SMYD3: variants seen among roughly 807,000 people sequenced by gnomAD.
SMYD3 encodes SET and MYND domain containing 3, also known as histone-lysine N-methyltransferase SMYD3.
A neutral mutation model predicts 57.7 loss-of-function variants in SMYD3; 36 were observed. The ratio of observed to expected loss-of-function variants is 0.62; its 90% CI spans 0.48 to 0.82. The LOEUF is 0.82. Among genes scored for constraint, SMYD3 ranks in the 40% least tolerant of loss-of-function variants. The probability of loss-of-function intolerance (pLI) is 0.00; values close to 1 mark genes in which losing one functional copy is unlikely to be tolerated. For synonymous variants in SMYD3, 211 were observed against 195.0 expected (o/e 1.08, Z -0.68); for missense variants, 515 against 538.8 (o/e 0.96, Z 0.44).
chr1:245,949,011 T>C (rs558735830), intron 5 of SMYD3, among the ~76,000 whole-genome samples: 12 of 152,268 alleles, frequency 7.9e-5, no homozygotes, highest in African/African-American at 1.9e-4. Context: ...TACCAGCACA[T>C]CTAGCATCCA....
intron 5 of SMYD3, among the ~76,000 whole-genome samples, chr1:246,317,970 T>C (rs2065191941): frequency 6.6e-6 from 1 of 152,250 alleles, no homozygotes; most frequent in Admixed American, 6.5e-5. Flanking sequence ...CTTAGTATAA[T>C]GGCAGTCTCT....
chr1:245,813,903 T>C (rs5023052), intron 10 of SMYD3, among the ~76,000 whole-genome samples: 18,668 of 145,956 alleles, frequency 0.13, 1,479 homozygotes, highest in East Asian at 0.26. Flanking sequence ...TATATATATA[T>C]ACAGATGAAT....
intron 1 of SMYD3, among the ~76,000 whole-genome samples, chr1:246,379,268 C>G (rs1006918012): frequency 6.8e-6 from 1 of 146,052 alleles, no homozygotes; most frequent in South Asian, 2.2e-4. Context: ...AAGAATAAAA[C>G]TTTTAAAAAC....
chr1:246,473,729 C>T (rs1230737646), intron 1 of SMYD3, among the ~76,000 whole-genome samples: 1 of 152,156 alleles, frequency 6.6e-6, no homozygotes, highest in Non-Finnish European at 1.5e-5. Flanking sequence ...ACACATATGC[C>T]TCAATCCCTT....
At chr1:245,879,853 C>T (rs891669062) in intron 8 of SMYD3, among the ~76,000 whole-genome samples, 1 of 152,246 alleles carries the variant, frequency 6.6e-6, no homozygotes, top group African/African-American at 2.4e-5. Context: ...CAATGTCTAT[C>T]TTTGACCAAT....
intron 5 of SMYD3, among the ~76,000 whole-genome samples, chr1:246,077,438 T>C (rs778770740): frequency 3.9e-5 from 6 of 152,130 alleles, no homozygotes; most frequent in Non-Finnish European, 7.4e-5. Context: ...ATTATGCTAT[T>C]GTTCTGTCTA....
intron 5 of SMYD3, among the ~76,000 whole-genome samples, chr1:246,039,385 T>C (rs894975354): frequency 6.6e-6 from 1 of 152,200 alleles, no homozygotes; most frequent in African/African-American, 2.4e-5. Flanking sequence ...CACTTCACTA[T>C]ACTGTCTACA....
chr1:245,999,829 C>T (rs57065506), intron 5 of SMYD3, among the ~76,000 whole-genome samples: 4 of 152,172 alleles, frequency 2.6e-5, no homozygotes, highest in Middle Eastern at 3.4e-3. Context: ...AGAAAGAGCA[C>T]GGAACTCGAG....
At chr1:246,082,098 T>C (rs1158760221) in intron 5 of SMYD3, among the ~76,000 whole-genome samples, 4 of 152,168 alleles carry the variant, frequency 2.6e-5, no homozygotes, top group African/African-American at 7.2e-5. Flanking sequence ...AAGCTAACCA[T>C]GGGAGACAGG....
At chr1:246,263,221 C>T (rs567133406) in intron 5 of SMYD3, among the ~76,000 whole-genome samples, 1 of 152,198 alleles carries the variant, frequency 6.6e-6, no homozygotes, top group African/African-American at 2.4e-5. Context: ...TACTAGCTAC[C>T]TTATTTTGAG....
intron 2 of SMYD3, among the ~76,000 whole-genome samples, chr1:246,337,243 C>T (rs1437436942): frequency 6.6e-6 from 1 of 152,172 alleles, no homozygotes; most frequent in African/African-American, 2.4e-5. Context: ...GTTGACCCTA[C>T]TTAGAGATTC....
intron 5 of SMYD3, among the ~76,000 whole-genome samples, chr1:245,998,846 G>C (rs959486258): frequency 2.6e-5 from 4 of 152,098 alleles, no homozygotes; most frequent in African/African-American, 9.7e-5. Flanking sequence ...ATAATGCTAC[G>C]GCACAGACAA....
intron 5 of SMYD3, among the ~76,000 whole-genome samples, chr1:246,285,781 T>A (rs547868538): frequency 6.6e-6 from 1 of 151,686 alleles, no homozygotes; most frequent in African/African-American, 2.4e-5. Flanking sequence ...TACAAGAAAC[T>A]CAAACAAATT....
intron 1 of SMYD3, among the ~76,000 whole-genome samples, chr1:246,428,753 A>AC (rs2067255514): frequency 6.6e-6 from 1 of 152,110 alleles, no homozygotes; most frequent in Non-Finnish European, 1.5e-5. Context: ...CGCAATCTAG[A>AC]CCACAGCCCA....
In SMYD3 at chr1:246,355,093, T is replaced by C; in HGVS notation, c.166A>G (p.Lys56Glu). Reference sequence around the variant, plus strand: ...TGAGAGCATCGCATCAGCTTTTCCTTCCTGTGGGGAAAAAAATTAATTCTG... The same window carrying C: ...TGAGAGCATCGCATCAGCTTTTCCTCCCTGTGGGGAAAAAAATTAATTCTG... ...GVVCDRCLLGKEKLMRCSQCR... is the reference protein window; with the variant it reads ...GVVCDRCLLGEEKLMRCSQCR... The change falls in exon 2 of 12, where the codon AAG becomes GAG. Residue 56 changes from lysine (K) to glutamate (E), a missense_variant and splice_region_variant. Lys to Glu is a moderately conservative substitution (Grantham distance 56). Transcript: ENST00000490107. The surrounding 1 kb of genome is among the most constrained non-coding windows in gnomAD (Gnocchi z 5.0). 3.7e-6 allele frequency: 6 copies of C among 1,614,040 alleles called. No homozygotes were observed. Among genetic ancestry groups the C allele is most frequent in the Non-Finnish European group, 5.1e-6 (6 of 1,179,968 alleles).
chr1:245,790,912 T>C (rs899532825), intron 10 of SMYD3, among the ~76,000 whole-genome samples: 1 of 152,204 alleles, frequency 6.6e-6, no homozygotes, highest in African/African-American at 2.4e-5. Flanking sequence ...ACTGTACTTT[T>C]CAGTTGCAAA....
chr1:245,765,151 C>T (rs1178880515), intron 10 of SMYD3, among the ~76,000 whole-genome samples: 3 of 150,802 alleles, frequency 2.0e-5, no homozygotes, highest in East Asian at 1.9e-4. Context: ...CTTTGGAGGC[C>T]GAGGCAGGCG....
intron 5 of SMYD3, among the ~76,000 whole-genome samples, chr1:245,951,431 A>T (rs57115093): frequency 8.7e-5 from 12 of 137,364 alleles, no homozygotes; most frequent in East Asian, 2.8e-4. Context: ...TAGCTGGGCG[A>T]GGTGGTGCAC....
intron 5 of SMYD3, among the ~76,000 whole-genome samples, chr1:245,961,515 A>G (rs1265204089): frequency 7.9e-6 from 1 of 125,814 alleles, no homozygotes; most frequent in African/African-American, 3.1e-5. Flanking sequence ...ACAAGTCACT[A>G]ATTACTCTCC....
Sources: allele counts gnomAD v4.1 joint callset (sites outside exome capture counted in the v4.1 genomes callset), GRCh38; gene constraint gnomAD v4.1.1; non-coding constraint Gnocchi (gnomAD v3.1); transcripts MANE v1.5; gene names NCBI Gene and HGNC (gene_info 2026-07-23, HGNC 2026-07-21).